Variants in HIP1 observed in about 807,000 individuals in gnomAD.
HIP1 encodes the protein huntingtin interacting protein 1, also known as huntingtin-interacting protein 1.
HIP1 carries 65 observed loss-of-function variants against 147.6 expected under a neutral mutation model. The observed-to-expected ratio is 0.44, with a 90% CI of 0.36 to 0.54. HIP1 has a LOEUF of 0.54. HIP1 is among the 20% of genes least tolerant of loss of function. The probability of loss-of-function intolerance (pLI) is 0.00; values close to 1 mark genes in which losing one functional copy is unlikely to be tolerated. For synonymous variants in HIP1, 479 were observed against 504.0 expected (o/e 0.95, Z 0.67); for missense variants, 1,061 against 1,299.6 (o/e 0.82, Z 2.82).
At chr7:75,690,048 G>A (rs1554517974) in intron 1 of HIP1, among the ~76,000 whole-genome samples, 2 of 151,810 alleles carry the variant, frequency 1.3e-5, no homozygotes, top group Non-Finnish European at 2.9e-5. Flanking sequence ...GGCGGCGGGG[G>A]ATCGCTTGAA....
At position 75,563,192 on chromosome 7, in the gene HIP1, G is replaced by A. The variant is rs1399370072; in HGVS notation, c.875C>T (p.Pro292Leu). The A allele has an allele frequency of 1.2e-6, 2 of 1,614,072 alleles. No homozygotes were observed. The highest frequency in any genetic ancestry group is 2.7e-5 in the African/African-American group (2 of 74,936). The stretch of plus-strand genomic sequence containing the variant: ...TGTGTGGTTGGGCATGCTTACCTCA[G>A]GCAGCTGGGGGATCTGAATGAGCCG... ...FKRLIQIPQL[P>L]ENPPNFLRAS... Residue 292 changes from proline (P) to leucine (L), a missense_variant, in exon 10 of 31, where the codon CCT becomes CTT. Physicochemically the swap from Pro to Leu is moderately conservative, Grantham distance 98 (BLOSUM62 -3). Transcript: ENST00000336926.
chr7:75,569,158 G>A (rs1204831870), intron 8 of HIP1, among the ~76,000 whole-genome samples: 1 of 152,196 alleles, frequency 6.6e-6, no homozygotes, highest in Non-Finnish European at 1.5e-5. Context: ...CCTCTCAGAT[G>A]TGCGAACCTG....
At chr7:75,654,390 C>CA (rs1185063858) in intron 1 of HIP1, 28 of 150,810 alleles carry the variant, frequency 1.9e-4, no homozygotes, top group Admixed American at 7.3e-4. Flanking sequence ...GTGTCCATCT[C>CA]AAAAAAAAAG....
At chr7:75,548,315 C>T (rs1212844803) in intron 23 of HIP1, among the ~76,000 whole-genome samples, 1 of 152,028 alleles carries the variant, frequency 6.6e-6, no homozygotes, top group Non-Finnish European at 1.5e-5. Flanking sequence ...GCGTGAGCCA[C>T]CACGCCTGGC....
rs568328384 is a variant in HIP1, at chr7:75,676,323, C to G, written c.120+62478G>C. Among the ~76,000 whole-genome samples the G allele has an allele frequency of 2.6e-5, 4 of 152,318 alleles. No individual in the cohort carries two copies. The East Asian group carries it at 7.7e-4, about 29-fold the overall frequency. On this transcript the variant is annotated intron_variant, in intron 1 of 30. Transcript: ENST00000336926. ...TGCAAACTTTCAACACCTAGCCAGG[C>G]AGTTTCTAACTCTGCCTCAGCTTTC...
chr7:75,563,831 T>C (rs1414981067), intron 9 of HIP1, among the ~76,000 whole-genome samples: 10 of 152,238 alleles, frequency 6.6e-5, no homozygotes, highest in African/African-American at 2.2e-4. Flanking sequence ...ATTACAATCG[T>C]TTGGTACTAT....
At chr7:75,564,083 G>C (rs1299390856) in intron 9 of HIP1, among the ~76,000 whole-genome samples, 1 of 152,084 alleles carries the variant, frequency 6.6e-6, no homozygotes, top group Admixed American at 6.6e-5. Flanking sequence ...GTAGAAACAG[G>C]CTCTTGCTGT....
chr7:75,709,774 G>A (rs1262170311), intron 1 of HIP1, among the ~76,000 whole-genome samples: 1 of 152,232 alleles, frequency 6.6e-6, no homozygotes, highest in Non-Finnish European at 1.5e-5. Context: ...CTTAGAGGAA[G>A]AGCATTTGGT....
intron 4 of HIP1, among the ~76,000 whole-genome samples, chr7:75,589,059 A>C (rs1487060047): frequency 6.6e-6 from 1 of 151,822 alleles, no homozygotes; most frequent in Non-Finnish European, 1.5e-5. Flanking sequence ...CTGAGACAGG[A>C]GAATCACTTG....
At chr7:75,677,442 T>C (rs1554516210) in intron 1 of HIP1, among the ~76,000 whole-genome samples, 2 of 149,374 alleles carry the variant, frequency 1.3e-5, no homozygotes, top group African/African-American at 4.9e-5. Flanking sequence ...CCGTCTCTGC[T>C]TGAAAATACA....
intron 1 of HIP1, among the ~76,000 whole-genome samples, chr7:75,612,389 G>A (rs1264309538): frequency 6.6e-6 from 1 of 151,964 alleles, no homozygotes; most frequent in Non-Finnish European, 1.5e-5. Flanking sequence ...CGTACCTGTA[G>A]TCCCAGCTAC....
At position 75,671,283 on chromosome 7, in the gene HIP1, G is replaced by A. The variant is rs564839751; in HGVS notation, c.120+67518C>T. ...TAATTTTTGTATTTTTAGTAGAGACGGGGTATCACCATGTTGGCTAGGCTG... is the reference window on the plus strand; with the variant it reads ...TAATTTTTGTATTTTTAGTAGAGACAGGGTATCACCATGTTGGCTAGGCTG... On this transcript the variant is annotated intron_variant, in intron 1 of 30. Transcript: ENST00000336926. 5.3e-5 allele frequency among the ~76,000 whole-genome samples: 8 copies of A among 151,626 alleles called. No homozygotes were observed. The South Asian group carries it at 6.3e-4, about 12-fold the overall frequency.
chr7:75,704,924 G>A (rs1343507148), intron 1 of HIP1, among the ~76,000 whole-genome samples: 5 of 152,172 alleles, frequency 3.3e-5, no homozygotes, highest in African/African-American at 1.2e-4. Flanking sequence ...TTTTTTAAAA[G>A]CTTGGAATTC....
rs2116700102 is a variant in HIP1 at position 75,535,527 on chromosome 7, G to C, written c.*2645C>G. ...TGCACCATCATGCCCGGCTAATTTT[G>C]TTTTTGAATTTTAGTAGAGATGAGG... On this transcript the variant is annotated 3_prime_UTR_variant, in exon 31 of 31. Transcript: ENST00000336926. The C allele has an allele frequency of 5.6e-6, 1 of 179,356 alleles. No homozygotes were observed. The highest frequency in any genetic ancestry group is 2.0e-4 in the South Asian group (1 of 5,054). The allele number at this position is 179,356 out of a possible 1,614,324, so 11.1% of individuals were successfully genotyped here.
chr7:75,664,308 G>A (rs1472748250), intron 1 of HIP1, among the ~76,000 whole-genome samples: 1 of 111,746 alleles, frequency 8.9e-6, no homozygotes, highest in Non-Finnish European at 1.9e-5. Context: ...ATATATGTAT[G>A]TATATGTATA....
chr7:75,686,007 T>G (rs782078158), intron 1 of HIP1, among the ~76,000 whole-genome samples: 6 of 152,186 alleles, frequency 3.9e-5, no homozygotes, highest in Non-Finnish European at 8.8e-5. Context: ...GCAATTCTTG[T>G]GCCTCAGCCT....
intron 4 of HIP1, among the ~76,000 whole-genome samples, chr7:75,587,098 G>A (rs1306584637): frequency 6.6e-6 from 1 of 151,868 alleles, no homozygotes; most frequent in Non-Finnish European, 1.5e-5. Context: ...GCACCACCAC[G>A]CCTGGTCAAT....
intron 24 of HIP1, among the ~76,000 whole-genome samples, 179 bp downstream of exon 24, chr7:75,547,576 T>C (rs1554491269): frequency 1.3e-5 from 2 of 152,068 alleles, no homozygotes; most frequent in Non-Finnish European, 2.9e-5. Context: ...TTCTTTTCTA[T>C]AGTGAAACAG....
Position 75,591,346 on chromosome 7 carries a change from C to T in HIP1, c.384+710G>A, listed in dbSNP as rs1554500712. ...CTGCGCCTGGCCAAGAGAGATTCTT[C>T]AAAATGCAGATTACCCCTCTCCATA... On this transcript the variant is annotated intron_variant, in intron 4 of 30. Coordinates refer to ENST00000336926, the MANE Select transcript of HIP1 (RefSeq NM_005338.7). 2.0e-5 allele frequency among the ~76,000 whole-genome samples: 3 copies of T among 151,982 alleles called. No individual in the cohort carries two copies. In the South Asian group the frequency reaches 6.2e-4, roughly 32 times the overall value.
Sources: gnomAD v4.1 joint callset for allele counts (sites outside exome capture counted in the v4.1 genomes callset) on GRCh38, gnomAD v4.1.1 for gene constraint, MANE v1.5 for transcripts, NCBI Gene and HGNC (gene_info 2026-07-23, HGNC 2026-07-21) for gene names.